The following AFAP1L1 variants were observed in gnomAD, a reference collection of about 807,000 sequenced individuals.
AFAP1L1 encodes the protein actin filament associated protein 1 like 1.
AFAP1L1 carries 77 observed loss-of-function variants against 99.8 expected under a neutral mutation model. The ratio of observed to expected loss-of-function variants is 0.77; its 90% CI spans 0.64 to 0.93. The LOEUF is 0.93. Among genes scored for constraint, AFAP1L1 ranks in the 40% least tolerant of loss-of-function variants. AFAP1L1 has a pLI of 0.00. For synonymous variants in AFAP1L1, 373 were observed against 395.3 expected (o/e 0.94, Z 0.67); for missense variants, 893 against 996.8 (o/e 0.90, Z 1.40).
chr5:149,319,706 G>A lies in AFAP1L1; in HGVS notation c.1604G>A (p.Ser535Asn). 1.2e-6 allele frequency: 2 copies of A among 1,612,180 alleles called. No homozygotes were observed. The highest frequency in any genetic ancestry group is 1.7e-6 in the Non-Finnish European group (2 of 1,179,982). ...GTGGAGACCTTAACCAGCATCGTCA[G>A]TGCTGGGCGCAACTCCTTCCTGTAA... ...VDVETLTSIV[S>N]AGRNSFLYAR... is the part of the protein sequence containing the mutation. Residue 535 changes from serine (S) to asparagine (N), a missense_variant, in exon 13 of 19, where the codon AGT becomes AAT. Physicochemically the swap from Ser to Asn is conservative, Grantham distance 46. Coordinates refer to ENST00000296721, the MANE Select transcript of AFAP1L1 (RefSeq NM_152406.4).
In AFAP1L1 at chr5:149,299,183, G is replaced by A. The variant is rs546604718; in HGVS notation, c.17-326G>A. 1.1e-4 allele frequency among the ~76,000 whole-genome samples: 17 copies of A among 152,324 alleles called. No homozygotes were observed. In the South Asian group the frequency reaches 3.5e-3, roughly 32 times the overall value. ...GTCAAGCAAAGCAGAGGGCAATCTG[G>A]GACAGAGGGAGGCCTGAGAACCTCT... On this transcript the variant is annotated intron_variant, in intron 1 of 18. Coordinates refer to ENST00000296721, the MANE Select transcript of AFAP1L1 (RefSeq NM_152406.4).
chr5:149,272,091 G>A (rs1299365288), intron 1 of AFAP1L1, 107 bp downstream of exon 1: 2 of 1,119,836 alleles, frequency 1.8e-6, no homozygotes, highest in Non-Finnish European at 2.3e-6. Flanking sequence ...CGGTGGGGCG[G>A]GGGCTGAGGA....
At chr5:149,308,844 C>T (rs1381992660) in intron 7 of AFAP1L1, among the ~76,000 whole-genome samples, 1 of 151,668 alleles carries the variant, frequency 6.6e-6, no homozygotes, top group Admixed American at 6.6e-5. Flanking sequence ...CCTGTTTTTC[C>T]AGCACTTTGG....
In AFAP1L1 at chr5:149,341,427, C is replaced by G. The variant is rs1437334088; in HGVS notation, c.*1397C>G. 1 of 152,154 alleles carries G rather than the reference C, an allele frequency of 6.6e-6. No individual in the cohort carries two copies. Among genetic ancestry groups the G allele is most frequent in the African/African-American group, 2.4e-5 (1 of 41,428 alleles). 9.4% of individuals were successfully genotyped at this position (152,154 alleles called of 1,614,324 possible). On this transcript the variant is annotated 3_prime_UTR_variant, in exon 19 of 19. Transcript: ENST00000296721. ...TTTGAGCCATGCCTCTAATGACCAG[C>G]TGGGTGACCTTGGGAAAGTCACTTG...
chr5:149,322,917 A>T (rs151202234), intron 15 of AFAP1L1, among the ~76,000 whole-genome samples, 200 bp downstream of exon 15: 2 of 152,128 alleles, frequency 1.3e-5, no homozygotes, highest in South Asian at 4.1e-4. Flanking sequence ...AGGGAAAATG[A>T]CAGGGAGTTG....
At chr5:149,308,448 A>T (rs1756502490) in intron 7 of AFAP1L1, among the ~76,000 whole-genome samples, 3 of 152,142 alleles carry the variant, frequency 2.0e-5, no homozygotes, top group African/African-American at 7.2e-5. Context: ...CAATCGTTCT[A>T]TTACTTGCTT....
chr5:149,335,547 A>G (rs1757382685), intron 17 of AFAP1L1, 47 bp from the exon 18 acceptor site: 1 of 1,594,536 alleles, frequency 6.3e-7, no homozygotes, highest in Non-Finnish European at 8.5e-7. Context: ...GTGTGTAGGT[A>G]GCCATCACCA....
At chr5:149,307,818 T>TTCTCTATCTCTCTCTCTCTCTC (rs1756473855) in intron 7 of AFAP1L1, among the ~76,000 whole-genome samples, 1 of 100,504 alleles carries the variant, frequency 9.9e-6, no homozygotes, top group South Asian at 4.1e-4. Flanking sequence ...GTGCCTCTCT[T>TTCTCTATCTCTCTCTCTCTCTC]TCTCTCTCTC....
At chr5:149,281,568 G>A (rs1017316358) in intron 1 of AFAP1L1, among the ~76,000 whole-genome samples, 1 of 152,176 alleles carries the variant, frequency 6.6e-6, no homozygotes, top group Non-Finnish European at 1.5e-5. Flanking sequence ...TCTAACAATA[G>A]CAAATGCTTA....
intron 7 of AFAP1L1, 23 bp from the exon 8 acceptor site, chr5:149,309,933 G>C: frequency 6.2e-7 from 1 of 1,614,096 alleles, no homozygotes. Context: ...AGAAGATCCT[G>C]ATGTGTTTCT....
chr5:149,305,878 CCACACACACACACACACA>C (rs56036411), intron 5 of AFAP1L1, among the ~76,000 whole-genome samples: 8 of 142,472 alleles, frequency 5.6e-5, no homozygotes, highest in Admixed American at 1.4e-4. Context: ...GACCAACACA[CCACACACACACACACACA>C]CACACACACA....
chr5:149,317,981 G>A (rs1756848844), intron 12 of AFAP1L1, 41 bp downstream of exon 12: 5 of 1,544,896 alleles, frequency 3.2e-6, no homozygotes, highest in Non-Finnish European at 4.4e-6. Context: ...CTTGGTCTGG[G>A]GACTCTGGCC....
chr5:149,273,114 G>A (rs1755186744), intron 1 of AFAP1L1, among the ~76,000 whole-genome samples: 2 of 151,102 alleles, frequency 1.3e-5, no homozygotes, highest in South Asian at 2.1e-4. Context: ...TCAGAGGCTG[G>A]GAATCAGAAC....
Position 149,299,614 on chromosome 5 carries a change from T to C in AFAP1L1, c.122T>C (p.Leu41Pro), listed in dbSNP as rs1756125335. Residue 41 changes from leucine (L) to proline (P), a missense_variant, in exon 2 of 19, where the codon CTG becomes CCG. Transcript: ENST00000296721. ...LEKKMAVASI[L>P]QSLQPLPAKE... ...AAGAAGATGGCCGTGGCCTCCATCC[T>C]GCAGAGCCTGCAGCCCCTTCCAGGT... 1.9e-6 allele frequency: 3 copies of C among 1,614,166 alleles called. No individual in the cohort carries two copies. Among genetic ancestry groups the C allele is most frequent in the Non-Finnish European group, 1.7e-6 (2 of 1,180,000 alleles).
chr5:149,305,691 T>C (rs535514727), intron 5 of AFAP1L1, among the ~76,000 whole-genome samples: 1 of 152,320 alleles, frequency 6.6e-6, no homozygotes, highest in African/African-American at 2.4e-5. Context: ...TTGTAGTCAC[T>C]ATTATGCACG....
At chr5:149,294,176 A>G (rs1415344276) in intron 1 of AFAP1L1, among the ~76,000 whole-genome samples, 1 of 152,154 alleles carries the variant, frequency 6.6e-6, no homozygotes, top group African/African-American at 2.4e-5. Flanking sequence ...CATCAGAATC[A>G]CTTGGAGTAC....
At chr5:149,318,908 C>A (rs1315353465) in intron 12 of AFAP1L1, among the ~76,000 whole-genome samples, 2 of 152,170 alleles carry the variant, frequency 1.3e-5, no homozygotes, top group African/African-American at 2.4e-5. Flanking sequence ...CTGCCCAAGA[C>A]CCCCTGCCTC....
chr5:149,273,505 C>G (rs960044307), intron 1 of AFAP1L1, among the ~76,000 whole-genome samples: 2 of 152,116 alleles, frequency 1.3e-5, no homozygotes, highest in African/African-American at 4.8e-5. Context: ...TGCCCCTCCC[C>G]AACAGAGAAT....
At chr5:149,328,187 T>G (rs895348236) in intron 15 of AFAP1L1, among the ~76,000 whole-genome samples, 4 of 152,288 alleles carry the variant, frequency 2.6e-5, no homozygotes, top group African/African-American at 9.6e-5. Flanking sequence ...AGGAACAGAT[T>G]TTTGCATGGG....
Sources: gnomAD v4.1 joint callset for allele counts (sites outside exome capture counted in the v4.1 genomes callset) on GRCh38, gnomAD v4.1.1 for gene constraint, MANE v1.5 for transcripts, NCBI Gene and HGNC (gene_info 2026-07-23, HGNC 2026-07-21) for gene names.